Variants in TOX3 observed in about 807,000 individuals in gnomAD.
TOX3 encodes the protein CAG trinucleotide repeat-containing gene F9 protein.
TOX3 carries 22 observed loss-of-function variants against 64.3 expected under a neutral mutation model. The observed-to-expected ratio is 0.34, with a 90% CI of 0.24 to 0.49. TOX3 has a LOEUF of 0.49. TOX3 is among the 20% of genes least tolerant of loss of function. The probability of loss-of-function intolerance (pLI) is 0.99; values close to 1 mark genes in which losing one functional copy is unlikely to be tolerated. For missense variants in TOX3, 661 were observed against 714.4 expected, an observed-to-expected ratio of 0.93 and a Z score of 0.85; for synonymous variants, 291 against 273.6, an observed-to-expected ratio of 1.06 and a Z score of -0.63.
intron 1 of TOX3, among the ~76,000 whole-genome samples, chr16:52,482,622 A>G (rs575582663): frequency 2.1e-4 from 32 of 152,266 alleles, no homozygotes; most frequent in African/African-American, 7.0e-4. Flanking sequence ...ACAGTTAAAC[A>G]TGCAGCATAT....
chr16:52,490,290 T>C (rs1256045512), intron 1 of TOX3, among the ~76,000 whole-genome samples: 2 of 152,146 alleles, frequency 1.3e-5, no homozygotes, highest in Non-Finnish European at 2.9e-5. Flanking sequence ...GATTGTAAGT[T>C]TCCTGAGGCC....
rs577852277 is a variant in TOX3, at chr16:52,516,224, C to T, written c.87+30413G>A. On this transcript the variant is annotated intron_variant, in intron 1 of 6. Coordinates refer to ENST00000219746, the MANE Select transcript of TOX3 (RefSeq NM_001080430.4). ...AGACATTAGATTTTAAAAATCATTG[C>T]ATTTAATATTTTTTATCCATTTTCA... Among the ~76,000 whole-genome samples the T allele has an allele frequency of 5.9e-5, 9 of 152,172 alleles. No individual in the cohort carries two copies. The South Asian group carries it at 1.9e-3, about 32-fold the overall frequency.
intron 1 of TOX3, among the ~76,000 whole-genome samples, chr16:52,504,400 G>A (rs965740427): frequency 6.6e-6 from 1 of 150,492 alleles, no homozygotes; most frequent in Non-Finnish European, 1.5e-5. Context: ...CCAGGAGGCG[G>A]AGCTTGCAGT....
intron 3 of TOX3, among the ~76,000 whole-genome samples, chr16:52,456,723 T>G (rs1407955247): frequency 1.3e-5 from 2 of 152,176 alleles, no homozygotes; most frequent in Non-Finnish European, 2.9e-5. Flanking sequence ...TAAGGAAACT[T>G]TAGATCACTA....
intron 3 of TOX3, among the ~76,000 whole-genome samples, chr16:52,460,883 G>T (rs2151753388): frequency 6.6e-6 from 1 of 152,286 alleles, no homozygotes; most frequent in African/African-American, 2.4e-5. Context: ...TTCAGGCACT[G>T]CCTGAGAAAA....
In TOX3 at chr16:52,464,188, G is replaced by A; in HGVS notation, c.154C>T (p.Gln52Ter). 1 of 1,503,958 alleles carries A rather than the reference G, an allele frequency of 6.6e-7. No homozygotes were observed. Among genetic ancestry groups the A allele is most frequent in the African/African-American group, 1.4e-5 (1 of 71,336 alleles). The allele number at this position is 1,503,958 out of a possible 1,614,324, so 93.2% of individuals were successfully genotyped here. A position where few individuals can be genotyped will look rare whatever the true frequency, so the allele number is the denominator to read the frequency against. Residue 52 changes from glutamine (Q) to a stop codon, truncating the protein, a stop_gained and splice_region_variant, in exon 3 of 7, where the codon CAG (glutamine) becomes TAG (stop). Coordinates refer to ENST00000219746, the MANE Select transcript of TOX3 (RefSeq NM_001080430.4). LOFTEE classifies it high-confidence loss of function. ...ANNAFFAASEQTFHTPSLGDE... is the reference protein window; with the variant it reads ...ANNAFFAASE ...CCAAGGCTTGGTGTGTGGAATGTCTGCTAAAAGGAAACAAAATACAGGTAT... is the reference window on the plus strand; with the variant it reads ...CCAAGGCTTGGTGTGTGGAATGTCTACTAAAAGGAAACAAAATACAGGTAT...
chr16:52,451,192 A>G (rs1430419888), intron 3 of TOX3, among the ~76,000 whole-genome samples: 1 of 152,166 alleles, frequency 6.6e-6, no homozygotes, highest in Non-Finnish European at 1.5e-5. Context: ...TCTGAATTAC[A>G]TTGTCAGCGG....
intron 1 of TOX3, among the ~76,000 whole-genome samples, chr16:52,521,279 T>C (rs557951972): frequency 1.1e-4 from 17 of 152,338 alleles, no homozygotes; most frequent in African/African-American, 4.1e-4. Flanking sequence ...AACATATCCT[T>C]GTAGCTAAAA....
At chr16:52,468,778 A>C (rs1960943582) in intron 1 of TOX3, among the ~76,000 whole-genome samples, 1 of 152,204 alleles carries the variant, frequency 6.6e-6, no homozygotes, top group African/African-American at 2.4e-5. Flanking sequence ...TAATTCTATA[A>C]AATAGTTTTG....
intron 3 of TOX3, among the ~76,000 whole-genome samples, chr16:52,451,987 T>A (rs1490624714): frequency 1.3e-5 from 2 of 152,066 alleles, no homozygotes; most frequent in Non-Finnish European, 2.9e-5. Context: ...TCCCACTAGA[T>A]GCTAACAACG....
At position 52,460,354 on chromosome 16, in the gene TOX3, A is replaced by T. The variant is rs1043584968; in HGVS notation, c.408+3580T>A. 8.5e-5 allele frequency among the ~76,000 whole-genome samples: 13 copies of T among 152,324 alleles called. 1 individual carries two copies. The South Asian group carries it at 1.9e-3, about 22-fold the overall frequency. Reference sequence around the variant, plus strand: ...TCTTTTGGGGGGCATACAAAATATCAGACCAGAGACAATTATTTTACTGTC... The same window carrying T: ...TCTTTTGGGGGGCATACAAAATATCTGACCAGAGACAATTATTTTACTGTC... On this transcript the variant is annotated intron_variant, in intron 3 of 6. Transcript: ENST00000219746.
At chr16:52,512,971 G>T (rs918722539) in intron 1 of TOX3, among the ~76,000 whole-genome samples, 2 of 152,168 alleles carry the variant, frequency 1.3e-5, no homozygotes, top group African/African-American at 4.8e-5. Flanking sequence ...ACATCCAAAA[G>T]CTGATCAGAT....
At chr16:52,483,133 A>G (rs990391511) in intron 1 of TOX3, among the ~76,000 whole-genome samples, 3 of 152,208 alleles carry the variant, frequency 2.0e-5, no homozygotes, top group Non-Finnish European at 4.4e-5. Flanking sequence ...CCCTCCCAAG[A>G]AAACCTCCCA....
intron 1 of TOX3, among the ~76,000 whole-genome samples, chr16:52,504,636 T>A (rs985031345): frequency 6.6e-6 from 1 of 151,852 alleles, no homozygotes; most frequent in Non-Finnish European, 1.5e-5. Flanking sequence ...ATGGAAGAAA[T>A]GGCGTTTGTT....
intron 1 of TOX3, among the ~76,000 whole-genome samples, chr16:52,543,227 AT>A (rs1190285553): frequency 6.6e-6 from 1 of 152,168 alleles, no homozygotes. Flanking sequence ...CTTATCTGAA[AT>A]GCTTAGATCT....
chr16:52,468,984 G>A (rs1170507740), intron 1 of TOX3, among the ~76,000 whole-genome samples: 1 of 152,118 alleles, frequency 6.6e-6, no homozygotes, highest in Non-Finnish European at 1.5e-5. Context: ...TCACAAGTGT[G>A]GGTAGGTTAA....
At chr16:52,446,272 C>A in intron 4 of TOX3, 51 bp from the exon 5 acceptor site, 2 of 1,556,670 alleles carry the variant, frequency 1.3e-6, no homozygotes, top group Non-Finnish European at 1.8e-6. Context: ...GCAGAGAATG[C>A]AACAAGACTT....
At chr16:52,481,568 G>C (rs892332156) in intron 1 of TOX3, among the ~76,000 whole-genome samples, 5 of 152,130 alleles carry the variant, frequency 3.3e-5, no homozygotes, top group Non-Finnish European at 5.9e-5. Context: ...AGCCAAACAA[G>C]ATTACATCTG....
intron 1 of TOX3, among the ~76,000 whole-genome samples, chr16:52,486,769 C>CA (rs1037131752): frequency 5.3e-5 from 8 of 152,040 alleles, no homozygotes; most frequent in South Asian, 2.1e-4. Context: ...CCTGTCTTTA[C>CA]AAAAAATGTA....
Sources: gnomAD v4.1 joint callset for allele counts (sites outside exome capture counted in the v4.1 genomes callset) on GRCh38, gnomAD v4.1.1 for gene constraint, MANE v1.5 for transcripts, NCBI Gene and HGNC (gene_info 2026-07-23, HGNC 2026-07-21) for gene names.